The following BMI1 variants were observed in gnomAD, a reference collection of about 807,000 sequenced individuals.
BMI1 encodes the protein polycomb complex protein BMI-1.
BMI1 carries 9 observed loss-of-function variants against 39.1 expected under a neutral mutation model. That is an observed-to-expected ratio of 0.23 (90% CI 0.14 to 0.40). The LOEUF (loss-of-function observed/expected upper bound fraction) is 0.40. Among genes scored for constraint, BMI1 ranks in the 10% least tolerant of loss-of-function variants. The pLI is 1.00. For missense variants in BMI1, 252 were observed against 390.8 expected (o/e 0.64, Z 2.99); for synonymous variants, 131 against 127.9 (o/e 1.02, Z -0.16).
At chr10:22,325,648 G>T (rs1213821646) in intron 1 of BMI1, 6 of 144,328 alleles carry the variant, frequency 4.2e-5, no homozygotes, top group African/African-American at 7.5e-5. Flanking sequence ...CCCGCCCGCC[G>T]CCCCGCACGC....
intron 1 of BMI1, chr10:22,325,558 C>T (rs1331545575): frequency 6.9e-6 from 1 of 145,642 alleles, no homozygotes; most frequent in Non-Finnish European, 1.5e-5. Flanking sequence ...GGCTGCCCCG[C>T]CCCCCCGGCG....
Position 22,329,557 on chromosome 10 carries a change from A to T in BMI1, c.*15A>T. ...CTTCTGGTTGATACCTGAGACTGTT[A>T]AGGAAAAAAATTTTAAACCCCTGAT... On this transcript the variant is annotated 3_prime_UTR_variant, in exon 10 of 10. Coordinates refer to ENST00000376663, the MANE Select transcript of BMI1 (RefSeq NM_005180.9). 1 of 1,606,896 alleles carries T rather than the reference A, an allele frequency of 6.2e-7. No individual in the cohort carries two copies. The highest frequency in any genetic ancestry group is 8.5e-7 in the Non-Finnish European group (1 of 1,176,174).
chr10:22,326,579 G>A lies in BMI1; in HGVS notation c.112+18G>A. On this transcript the variant is annotated intron_variant, in intron 2 of 9. Transcript: ENST00000376663. ...ACATTCCTGTAAGTACCGAGCTTTA[G>A]CTCTCTTTTGTATCATGCGTATTTC... 6.2e-7 allele frequency: 1 copy of A among 1,612,158 alleles called. No homozygotes were observed. The highest frequency in any genetic ancestry group is 8.5e-7 in the Non-Finnish European group (1 of 1,179,380).
In BMI1 at chr10:22,327,952, G is replaced by A; in HGVS notation, c.319G>A (p.Ala107Thr). The change falls in exon 6 of 10, where the codon GCC becomes ACC. Residue 107 changes from alanine (A) to threonine (T), a missense_variant and splice_region_variant. Ala to Thr is a moderately conservative substitution (Grantham distance 58, BLOSUM62 0). Around this residue, in one of 4 missense-constraint regions of BMI1, gnomAD observed 67 missense variants for 69.9 expected, o/e 0.96. Transcript: ENST00000376663. ...FYAAHPSADA[A>T]NGSNEDRGEV... ...TACATTTCACTATATCGTTATAGCT[G>A]CCAATGGCTCTAATGAAGATAGAGG... 6.3e-7 allele frequency: 1 copy of A among 1,596,606 alleles called. No individual in the cohort carries two copies. The highest frequency in any genetic ancestry group is 8.5e-7 in the Non-Finnish European group (1 of 1,175,382).
At position 22,331,247 on chromosome 10, in the gene BMI1, T is replaced by C. The variant is rs1227245305; in HGVS notation, c.*1705T>C. ...TGGAAAAAATCCAATAAAAAGGATA[T>C]TCATTTAGAAAATAGCTAAGATCTT... On this transcript the variant is annotated 3_prime_UTR_variant, in exon 10 of 10. Coordinates refer to ENST00000376663, the MANE Select transcript of BMI1 (RefSeq NM_005180.9). The C allele has an allele frequency of 6.6e-6, 1 of 152,470 alleles. No individual in the cohort carries two copies. Among genetic ancestry groups the C allele is most frequent in the Non-Finnish European group, 1.5e-5 (1 of 67,992 alleles). 9.4% of individuals were successfully genotyped at this position (152,470 alleles called of 1,614,324 possible). A position where few individuals can be genotyped will look rare whatever the true frequency, so the allele number is the denominator to read the frequency against.
At chr10:22,328,764 T>C in intron 8 of BMI1, 66 bp downstream of exon 8, 1 of 1,485,676 alleles carries the variant, frequency 6.7e-7, no homozygotes. Flanking sequence ...ATTTTTCACT[T>C]TGGATTTTGA....
chr10:22,331,104 T>C lies in BMI1; in HGVS notation c.*1562T>C, dbSNP rs1237002298. 1 of 152,566 alleles carries C rather than the reference T, an allele frequency of 6.6e-6. No individual in the cohort carries two copies. The highest frequency in any genetic ancestry group is 1.5e-5 in the Non-Finnish European group (1 of 67,962). 9.5% of individuals were successfully genotyped at this position (152,566 alleles called of 1,614,324 possible). A position where few individuals can be genotyped will look rare whatever the true frequency, so the allele number is the denominator to read the frequency against. On this transcript the variant is annotated 3_prime_UTR_variant, in exon 10 of 10. Transcript: ENST00000376663. ...ACTTCTGCTTTCTTTAAAAATATAG[T>C]AAAGGATGTTTTATGAAGTCACAAG...
At chr10:22,321,856 C>T (rs892746614) in intron 1 of BMI1, among the ~76,000 whole-genome samples, 160 bp downstream of exon 1, 180 of 143,816 alleles carry the variant, frequency 1.3e-3, no homozygotes, top group African/African-American at 4.2e-3. Flanking sequence ...CGCCCCGCGC[C>T]GCCCGCCCCG....
At chr10:22,327,010 GT>G in intron 3 of BMI1, 24 bp downstream of exon 3, 2 of 1,605,668 alleles carry the variant, frequency 1.2e-6, no homozygotes, top group Non-Finnish European at 1.7e-6. Context: ...GAAATTCCTT[GT>G]TTGTAATTAT....
intron 1 of BMI1, chr10:22,325,629 GCCCGCCCGCCCGCCCGCCGC>G (rs1215289347): frequency 2.2e-5 from 2 of 92,336 alleles, no homozygotes; most frequent in African/African-American, 4.0e-5. Context: ...CCCCTCCCCC[GCCCGCCCGCCCGCCCGCCGC>G]CCCGCACGCC....
At chr10:22,325,614 C>T (rs1268261361) in intron 1 of BMI1, 3 of 144,618 alleles carry the variant, frequency 2.1e-5, no homozygotes, top group Non-Finnish European at 4.6e-5. Flanking sequence ...CCCCGCGGCG[C>T]GCCGCCCCTC....
chr10:22,329,037 T>C lies in BMI1; in HGVS notation c.571-11T>C. Reference sequence around the variant, plus strand: ...GTTCTTTTATTACTTAATAAAAATATTTTTCACTAGATTGATGTCATGTAT... The same window carrying C: ...GTTCTTTTATTACTTAATAAAAATACTTTTCACTAGATTGATGTCATGTAT... On this transcript the variant is annotated splice_polypyrimidine_tract_variant and intron_variant, in intron 8 of 9. Transcript: ENST00000376663. 1 of 1,582,950 alleles carries C rather than the reference T, an allele frequency of 6.3e-7. No individual in the cohort carries two copies. The highest frequency in any genetic ancestry group is 1.9e-5 in the Admixed American group (1 of 53,744).
rs753669919 is a variant in BMI1 at position 22,326,963 on chromosome 10, G to A, written c.186G>A (p.Lys62=). 3.1e-6 allele frequency: 5 copies of A among 1,613,892 alleles called. No individual in the cohort carries two copies. The highest frequency in any genetic ancestry group is 4.5e-5 in the East Asian group (2 of 44,852). ...CTATTTGTGATGTCCAAGTTCACAAGACCAGACCACTACTGAATATAAGGT... is the reference window on the plus strand; with the variant it reads ...CTATTTGTGATGTCCAAGTTCACAAAACCAGACCACTACTGAATATAAGGT... ...YCPICDVQVH[K]TRPLLNIRSD... The change falls in exon 3 of 10, where the codon AAG becomes AAA. Residue 62 remains lysine (K), a synonymous_variant. Coordinates refer to ENST00000376663, the MANE Select transcript of BMI1 (RefSeq NM_005180.9).
At chr10:22,322,072 G>A (rs1352959585) in intron 1 of BMI1, 1 of 151,590 alleles carries the variant, frequency 6.6e-6, no homozygotes, top group East Asian at 1.9e-4. Flanking sequence ...GCTCCCCCGG[G>A]CGCCCCTCCG....
rs372722322 is a variant in BMI1 at position 22,328,053 on chromosome 10, G to A, written c.420G>A (p.Gln140=). 1 of 1,601,012 alleles carries A rather than the reference G, an allele frequency of 6.2e-7. No homozygotes were observed. The highest frequency in any genetic ancestry group is 8.5e-7 in the Non-Finnish European group (1 of 1,176,416). Residue 140 remains glutamine (Q), a synonymous_variant, in exon 6 of 10, where the codon CAG becomes CAA. Coordinates refer to ENST00000376663, the MANE Select transcript of BMI1 (RefSeq NM_005180.9). ...IISLSIEFFD[Q]NRLDRKVNKD... ...GCTTATCCATTGAATTCTTTGACCA[G>A]AACAGGTAAAATCTTTAGGCAATTT...
chr10:22,329,798 G>T lies in BMI1; in HGVS notation c.*256G>T. On this transcript the variant is annotated 3_prime_UTR_variant, in exon 10 of 10. Transcript: ENST00000376663. ...ACTTTTTCTCTGTGTTAGGAAAGAT[G>T]GGAAATGGTTTCTGTAACCATTGTT... The T allele has an allele frequency of 2.2e-6, 1 of 451,946 alleles. No individual in the cohort carries two copies. Among genetic ancestry groups the T allele is most frequent in the Non-Finnish European group, 3.9e-6 (1 of 255,656 alleles). The allele number at this position is 451,946 out of a possible 1,614,324, so 28.0% of individuals were successfully genotyped here.
intron 1 of BMI1, among the ~76,000 whole-genome samples, chr10:22,324,197 A>G (rs962672632): frequency 1.3e-5 from 2 of 152,138 alleles, no homozygotes; most frequent in Non-Finnish European, 2.9e-5. Flanking sequence ...AAAGGCAGCT[A>G]TTTTTATTGG....
chr10:22,329,577 C>G lies in BMI1; in HGVS notation c.*35C>G. On this transcript the variant is annotated 3_prime_UTR_variant, in exon 10 of 10. Transcript: ENST00000376663. Reference sequence around the variant, plus strand: ...CTGTTAAGGAAAAAAATTTTAAACCCCTGATTTATATAGATATCTTCATGC... The same window carrying G: ...CTGTTAAGGAAAAAAATTTTAAACCGCTGATTTATATAGATATCTTCATGC... 6.3e-7 allele frequency: 1 copy of G among 1,596,618 alleles called. No individual in the cohort carries two copies. Among genetic ancestry groups the G allele is most frequent in the Non-Finnish European group, 8.5e-7 (1 of 1,170,530 alleles).
Position 22,329,728 on chromosome 10 carries a change from A to G in BMI1, c.*186A>G. On this transcript the variant is annotated 3_prime_UTR_variant, in exon 10 of 10. Coordinates refer to ENST00000376663, the MANE Select transcript of BMI1 (RefSeq NM_005180.9). ...ACTCCTATGGACGTTAATTGAAAAG[A>G]AAGATTGTTGTTATAAAGAATTGGT... The G allele has an allele frequency of 1.5e-6, 1 of 684,364 alleles. No individual in the cohort carries two copies. Among genetic ancestry groups the G allele is most frequent in the Non-Finnish European group, 2.3e-6 (1 of 430,560 alleles). The allele number at this position is 684,364 out of a possible 1,614,324, so 42.4% of individuals were successfully genotyped here.
Sources: allele counts gnomAD v4.1 joint callset (sites outside exome capture counted in the v4.1 genomes callset), GRCh38; gene constraint gnomAD v4.1.1; regional missense constraint gnomAD v4.1.1; transcripts MANE v1.5; gene names NCBI Gene and HGNC (gene_info 2026-07-23, HGNC 2026-07-21).